The following ATP6AP2 variants were observed in gnomAD, a reference collection of about 807,000 sequenced individuals.
The protein encoded by ATP6AP2 is ATPase H+ transporting accessory protein 2, also known as renin receptor.
A neutral mutation model predicts 23.4 loss-of-function variants in ATP6AP2; 1 was observed. The ratio of observed to expected loss-of-function variants is 0.04; its 90% CI spans 0.02 to 0.20. The LOEUF (loss-of-function observed/expected upper bound fraction) is 0.20, where lower values mean the gene tolerates loss of function less well. Ranked by LOEUF, ATP6AP2 falls within the 10% of genes least tolerant of loss-of-function variation. The probability of loss-of-function intolerance (pLI) is 1.00; values close to 1 mark genes in which losing one functional copy is unlikely to be tolerated. For missense variants in ATP6AP2, 174 were observed against 271.3 expected (o/e 0.64, Z 2.52); for synonymous variants, 90 against 97.1 (o/e 0.93, Z 0.43).
chrX:40,589,373 T>C, intron 2 of ATP6AP2: 1 of 293,658 alleles, frequency 3.4e-6, no homozygotes, highest in Non-Finnish European at 5.9e-6. Context: ...ATCTCAAAAA[T>C]AAATGAATTA....
intron 1 of ATP6AP2, among the ~76,000 whole-genome samples, chrX:40,583,367 T>C (rs899264330): frequency 2.7e-5 from 3 of 111,063 alleles, no homozygotes; most frequent in African/African-American, 9.8e-5. Context: ...CCATGGGAGG[T>C]GCCTCCCAGG....
rs1326216488 is a variant in ATP6AP2 at position 40,606,582 on chromosome X, T to G, written c.*827T>G. ...AAGTGGGTGAATTCTACTTTTTATG[T>G]TGGAGTGGACCAATGTCTATCAAGA... On this transcript the variant is annotated 3_prime_UTR_variant, in exon 9 of 9. Transcript: ENST00000636580. 7.1e-5 allele frequency: 8 copies of G among 112,626 alleles called. No individual in the cohort carries two copies. The East Asian group carries it at 1.9e-3, about 27-fold the overall frequency. The allele number at this position is 112,626 out of a possible 1,213,427, so 9.3% of individuals were successfully genotyped here.
At chrX:40,594,477 C>T (rs1042651245) in intron 3 of ATP6AP2, among the ~76,000 whole-genome samples, 3 of 112,400 alleles carry the variant, frequency 2.7e-5, no homozygotes. Flanking sequence ...TTTGCATTGT[C>T]ATAATAATGA....
At position 40,588,973 on chromosome X, in the gene ATP6AP2, G is replaced by T; in HGVS notation, c.38-13G>T. On this transcript the variant is annotated splice_polypyrimidine_tract_variant and intron_variant, in intron 1 of 8. Transcript: ENST00000636580. ...ATGTTGATAATTCATTTACTGATCT[G>T]TTTTCTTTTCAGGTGTTTTGGGGAA... 3.3e-6 allele frequency: 4 copies of T among 1,204,985 alleles called. No individual in the cohort carries two copies. The highest frequency in any genetic ancestry group is 4.5e-6 in the Non-Finnish European group (4 of 890,031).
At chrX:40,598,511 T>C in intron 5 of ATP6AP2, 170 bp from the exon 6 acceptor site, 1 of 508,943 alleles carries the variant, frequency 2.0e-6, no homozygotes, top group East Asian at 3.6e-5. Context: ...TAGGAAATAA[T>C]GTTTTATATG....
chrX:40,602,227 A>C (rs1463589830), intron 8 of ATP6AP2, among the ~76,000 whole-genome samples: 13 of 101,143 alleles, frequency 1.3e-4, no homozygotes, highest in Non-Finnish European at 2.1e-4. Flanking sequence ...GGTTGCAGTG[A>C]GCCAAGATTG....
chrX:40,597,799 A>G lies in ATP6AP2; in HGVS notation c.534+135A>G. ...CAAGCAATCCTGTCTTGGCCTCCCA[A>G]AGTGCTGGGATCACAGGCTTGAGCC... On this transcript the variant is annotated intron_variant, in intron 5 of 8. Transcript: ENST00000636580. 2 of 662,902 alleles carry G rather than the reference A, an allele frequency of 3.0e-6. 1 individual carries two copies. The highest frequency in any genetic ancestry group is 5.0e-5 in the South Asian group (2 of 40,050). The allele number at this position is 662,902 out of a possible 1,213,427, so 54.6% of individuals were successfully genotyped here.
intron 3 of ATP6AP2, among the ~76,000 whole-genome samples, chrX:40,596,588 C>T (rs1450700810): frequency 6.3e-5 from 7 of 110,692 alleles, no homozygotes; most frequent in African/African-American, 2.3e-4. Flanking sequence ...TGAGCTGTTA[C>T]CCCAAGATTT....
chrX:40,583,403 G>C (rs1337761299), intron 1 of ATP6AP2, among the ~76,000 whole-genome samples: 1 of 111,716 alleles, frequency 9.0e-6, no homozygotes, highest in Non-Finnish European at 1.9e-5. Flanking sequence ...AGTTGGGGTG[G>C]GAAGAAAAGG....
intron 3 of ATP6AP2, among the ~76,000 whole-genome samples, chrX:40,594,095 A>G (rs772183485): frequency 1.6e-4 from 16 of 103,110 alleles, no homozygotes; most frequent in Non-Finnish European, 2.9e-4. Context: ...CAAAAAAAAT[A>G]TAAGTATGTG....
chrX:40,587,862 A>G (rs768570532), intron 1 of ATP6AP2, among the ~76,000 whole-genome samples: 4 of 112,504 alleles, frequency 3.6e-5, no homozygotes, highest in South Asian at 3.7e-4. Context: ...TGACATAGCC[A>G]GACCCTGTCT....
intron 1 of ATP6AP2, among the ~76,000 whole-genome samples, chrX:40,586,798 C>A (rs1451565981): frequency 9.0e-6 from 1 of 111,524 alleles, no homozygotes; most frequent in Non-Finnish European, 1.9e-5. Flanking sequence ...GTATAGGAGT[C>A]CCTGACTCTA....
intron 1 of ATP6AP2, among the ~76,000 whole-genome samples, chrX:40,582,353 G>A (rs1926350059): frequency 8.9e-6 from 1 of 112,010 alleles, no homozygotes; most frequent in Non-Finnish European, 1.9e-5. Flanking sequence ...GCTTGAGCCC[G>A]GGAGGCGGAG....
chrX:40,588,472 G>A (rs941921692), intron 1 of ATP6AP2, among the ~76,000 whole-genome samples: 5 of 109,840 alleles, frequency 4.6e-5, no homozygotes, highest in Non-Finnish European at 7.6e-5. Flanking sequence ...TTATGAATTT[G>A]CATTGTGTAG....
chrX:40,594,325 G>A (rs967750570), intron 3 of ATP6AP2, among the ~76,000 whole-genome samples: 16 of 112,431 alleles, frequency 1.4e-4, no homozygotes, highest in Admixed American at 1.2e-3. Context: ...ACCTACATAC[G>A]GTGAAATTGA....
Position 40,597,363 on chromosome X carries a change from A to G in ATP6AP2, c.396+19A>G, listed in dbSNP as rs766788880. On this transcript the variant is annotated intron_variant, in intron 4 of 8. Transcript: ENST00000636580. ...TGAGGAAGTAAGTGATAAGGGTTTT[A>G]TTCAAGACATTTTAAAAAATAAGCT... 8.9e-7 allele frequency: 1 copy of G among 1,129,897 alleles called. No individual in the cohort carries two copies. The highest frequency in any genetic ancestry group is 1.9e-5 in the South Asian group (1 of 52,803). 93.1% of individuals were successfully genotyped at this position (1,129,897 alleles called of 1,213,427 possible).
chrX:40,604,931 ATT>A (rs142088347), intron 8 of ATP6AP2, among the ~76,000 whole-genome samples: 4 of 78,194 alleles, frequency 5.1e-5, no homozygotes, highest in African/African-American at 4.9e-5. Context: ...TCTGTTGATG[ATT>A]TTTTTTTTTT....
At chrX:40,591,176 G>T in intron 2 of ATP6AP2, 58 bp from the exon 3 acceptor site, 1 of 1,198,754 alleles carries the variant, frequency 8.3e-7, no homozygotes, top group South Asian at 1.8e-5. Flanking sequence ...AGATGTTATT[G>T]GGGAGGTGGG....
At chrX:40,599,864 C>G in intron 7 of ATP6AP2, 123 bp downstream of exon 7, 1 of 858,956 alleles carries the variant, frequency 1.2e-6, no homozygotes, top group East Asian at 3.3e-5. Context: ...TGGGGCTCCT[C>G]TAATTATACT....
Sources: allele counts gnomAD v4.1 joint callset (sites outside exome capture counted in the v4.1 genomes callset), GRCh38; gene constraint gnomAD v4.1.1; transcripts MANE v1.5; gene names NCBI Gene and HGNC (gene_info 2026-07-23, HGNC 2026-07-21).